XPR1: variants seen among roughly 807,000 people sequenced by gnomAD.
XPR1 encodes the protein solute carrier family 53 member 1.
A neutral mutation model predicts 87.5 loss-of-function variants in XPR1; 28 were observed. The ratio of observed to expected loss-of-function variants is 0.32; its 90% CI spans 0.24 to 0.44. The LOEUF is 0.44. Ranked by LOEUF, XPR1 falls within the 20% of genes least tolerant of loss-of-function variation. The pLI, the probability that XPR1 is intolerant of heterozygous loss-of-function variation, is 1.00. For synonymous variants in XPR1, 300 were observed against 306.1 expected (o/e 0.98, Z 0.21); for missense variants, 559 against 862.3 (o/e 0.65, Z 4.41).
At chr1:180,742,893 T>A (rs1658966084) in intron 2 of XPR1, among the ~76,000 whole-genome samples, 2 of 152,130 alleles carry the variant, frequency 1.3e-5, no homozygotes, top group South Asian at 4.1e-4. Flanking sequence ...GATATCTCTA[T>A]CCTTGGTAAT....
At chr1:180,671,878 G>A (rs193276536) in intron 1 of XPR1, among the ~76,000 whole-genome samples, 130 of 152,232 alleles carry the variant, frequency 8.5e-4, no homozygotes, top group Non-Finnish European at 1.0e-4. Context: ...GTGAGCCACC[G>A]CGTCTAGCCA....
At chr1:180,790,030 T>G (rs539529918) in intron 3 of XPR1, among the ~76,000 whole-genome samples, 1 of 151,976 alleles carries the variant, frequency 6.6e-6, no homozygotes, top group South Asian at 2.1e-4. Context: ...CCCACCATCT[T>G]CCCTGTCATG....
At chr1:180,836,453 A>C (rs149310864) in intron 10 of XPR1, 69 bp from the exon 11 acceptor site, 17 of 1,572,198 alleles carry the variant, frequency 1.1e-5, no homozygotes, top group Middle Eastern at 1.7e-4. Context: ...TAGCTACACT[A>C]TATGGCTAAA....
intron 2 of XPR1, among the ~76,000 whole-genome samples, chr1:180,693,600 G>A (rs528177061): frequency 6.6e-6 from 1 of 152,182 alleles, no homozygotes; most frequent in African/African-American, 2.4e-5. Flanking sequence ...GAGGCCAGAA[G>A]TCTGAAATCA....
At position 180,646,925 on chromosome 1, in the gene XPR1, CACTT is replaced by C. The variant is rs375700044; in HGVS notation, c.69+14658_69+14661del. Among the ~76,000 whole-genome samples, 28 of 152,332 alleles carry C rather than the reference CACTT, an allele frequency of 1.8e-4. 1 individual carries two copies. The East Asian group carries it at 4.8e-3, about 26-fold the overall frequency. ...CTACCACAAGATGCAGCTTAATTGTCACTTACCACTCACTGGTAGGGTTTTGATA... is the reference window on the plus strand; with the variant it reads ...CTACCACAAGATGCAGCTTAATTGTCACCACTCACTGGTAGGGTTTTGATA... On this transcript the variant is annotated intron_variant, in intron 1 of 14. Transcript: ENST00000367590.
rs976201525 is a variant in XPR1 at position 180,889,712 on chromosome 1, T to G, written c.*5646T>G. On this transcript the variant is annotated 3_prime_UTR_variant, in exon 15 of 15. Transcript: ENST00000367590. ...CCATTTTCTGGATTAGCACAGAAGC[T>G]TGTATCAATGAAGAGTATTTAGGAG... 6.6e-6 allele frequency: 1 copy of G among 152,266 alleles called. No individual in the cohort carries two copies. The highest frequency in any genetic ancestry group is 2.4e-5 in the African/African-American group (1 of 41,478). The allele number at this position is 152,266 out of a possible 1,614,324, so 9.4% of individuals were successfully genotyped here. A position where few individuals can be genotyped will look rare whatever the true frequency, so the allele number is the denominator to read the frequency against.
intron 2 of XPR1, among the ~76,000 whole-genome samples, chr1:180,754,954 G>A (rs1647674105): frequency 6.6e-6 from 1 of 152,096 alleles, no homozygotes; most frequent in Admixed American, 6.6e-5. Context: ...GTGGGTCACT[G>A]CAACCATGGG....
intron 9 of XPR1, among the ~76,000 whole-genome samples, chr1:180,831,372 T>C (rs1004194257): frequency 2.0e-5 from 3 of 149,650 alleles, no homozygotes; most frequent in African/African-American, 7.3e-5. Flanking sequence ...CTTTTTTTTT[T>C]TTTTTTTTTG....
Position 180,632,055 on chromosome 1 carries a change from C to A in XPR1, c.-147C>A. On this transcript the variant is annotated 5_prime_UTR_variant, in exon 1 of 15. Transcript: ENST00000367590. The stretch of plus-strand genomic sequence containing the variant: ...GAGGAGGAAGATGGCGGGCGGGCTG[C>A]TCTGAAGAGACCTCGGCGGCGGCGG... The A allele has an allele frequency of 2.2e-6, 2 of 891,516 alleles. No individual in the cohort carries two copies. Among genetic ancestry groups the A allele is most frequent in the South Asian group, 2.9e-5 (2 of 69,092 alleles). 55.2% of individuals were successfully genotyped at this position (891,516 alleles called of 1,614,324 possible).
chr1:180,825,359 T>G lies in XPR1; in HGVS notation c.1134+15T>G. ...TTAAACTGCTGGTAAGTCCAGAAAC[T>G]TGTGTACCACTTTTAGAGTGGCATA... On this transcript the variant is annotated intron_variant, in intron 9 of 14. Coordinates refer to ENST00000367590, the MANE Select transcript of XPR1 (RefSeq NM_004736.4). 1 of 1,604,790 alleles carries G rather than the reference T, an allele frequency of 6.2e-7. No homozygotes were observed. Among genetic ancestry groups the G allele is most frequent in the Non-Finnish European group, 8.5e-7 (1 of 1,176,434 alleles).
chr1:180,861,865 AGAT>A (rs1385234453), intron 11 of XPR1, among the ~76,000 whole-genome samples: 1 of 152,124 alleles, frequency 6.6e-6, no homozygotes, highest in African/African-American at 2.4e-5. Flanking sequence ...CAAGCTACTA[AGAT>A]GATAACACTG....
chr1:180,646,763 G>C lies in XPR1; in HGVS notation c.69+14493G>C, dbSNP rs1297744869. On this transcript the variant is annotated intron_variant, in intron 1 of 14. Coordinates refer to ENST00000367590, the MANE Select transcript of XPR1 (RefSeq NM_004736.4). Reference sequence around the variant, plus strand: ...AGACAAATGCGCAGTGCAGGAAAGAGGCGTGGGTGGAAGTAGTAAATAAAA... The same window carrying C: ...AGACAAATGCGCAGTGCAGGAAAGACGCGTGGGTGGAAGTAGTAAATAAAA... Among the ~76,000 whole-genome samples the C allele has an allele frequency of 2.0e-5, 3 of 152,170 alleles. No homozygotes were observed. In the East Asian group the frequency reaches 5.8e-4, roughly 29 times the overall value.
At chr1:180,684,943 T>A (rs1280858183) in intron 2 of XPR1, among the ~76,000 whole-genome samples, 1 of 152,174 alleles carries the variant, frequency 6.6e-6, no homozygotes, top group Non-Finnish European at 1.5e-5. Flanking sequence ...AGGGACAATT[T>A]GACTTCCTCT....
intron 11 of XPR1, among the ~76,000 whole-genome samples, chr1:180,848,718 AT>A (rs1385789697): frequency 1.3e-5 from 2 of 152,130 alleles, no homozygotes; most frequent in African/African-American, 2.4e-5. Flanking sequence ...TAGTTCCTAT[AT>A]GCAGCTTTCT....
chr1:180,696,174 GT>G (rs2101964055), intron 2 of XPR1, among the ~76,000 whole-genome samples: 1 of 89,122 alleles, frequency 1.1e-5, no homozygotes, highest in Non-Finnish European at 2.2e-5. Context: ...GGGTGTGTGT[GT>G]GTGTGTGTGT....
chr1:180,739,503 G>T (rs1658849236), intron 2 of XPR1, among the ~76,000 whole-genome samples: 1 of 152,128 alleles, frequency 6.6e-6, no homozygotes, highest in Non-Finnish European at 1.5e-5. Flanking sequence ...TGTTAAATCT[G>T]TAGATCAATT....
chr1:180,832,062 T>C (rs1337024662), intron 9 of XPR1, among the ~76,000 whole-genome samples: 1 of 152,206 alleles, frequency 6.6e-6, no homozygotes, highest in Admixed American at 6.5e-5. Flanking sequence ...GCATCTGTTG[T>C]TTCCTGAGTT....
At chr1:180,854,784 ACCT>A (rs1274398109) in intron 11 of XPR1, among the ~76,000 whole-genome samples, 5 of 151,964 alleles carry the variant, frequency 3.3e-5, no homozygotes, top group Non-Finnish European at 7.4e-5. Flanking sequence ...GGTGTGACTG[ACCT>A]CCTGCCTTTG....
chr1:180,793,121 A>T (rs1649446473), intron 3 of XPR1, among the ~76,000 whole-genome samples: 1 of 152,058 alleles, frequency 6.6e-6, no homozygotes, highest in Non-Finnish European at 1.5e-5. Flanking sequence ...GGAGGGAGAG[A>T]GGGAAGAAGG....
Sources: gnomAD v4.1 joint callset for allele counts (sites outside exome capture counted in the v4.1 genomes callset) on GRCh38, gnomAD v4.1.1 for gene constraint, MANE v1.5 for transcripts, NCBI Gene and HGNC (gene_info 2026-07-23, HGNC 2026-07-21) for gene names.